The following BICC1 variants were observed in gnomAD, a reference collection of about 807,000 sequenced individuals.
The protein encoded by BICC1 is BicC family RNA binding protein 1.
In BICC1, 43 loss-of-function variants were observed where a neutral mutation model predicts 111.0. The observed-to-expected ratio is 0.39, with a 90% CI of 0.30 to 0.50. The LOEUF is 0.50. Ranked by LOEUF, BICC1 falls within the 20% of genes least tolerant of loss-of-function variation. The pLI is 0.88. For missense variants in BICC1, 1,091 were observed against 1,203.2 expected (o/e 0.91, Z 1.38); for synonymous variants, 467 against 434.4 (o/e 1.07, Z -0.93).
At chr10:58,624,082 A>G (rs866815707) in intron 2 of BICC1, among the ~76,000 whole-genome samples, 2 of 152,136 alleles carry the variant, frequency 1.3e-5, no homozygotes, top group Non-Finnish European at 1.5e-5. Flanking sequence ...AATCTGTTCC[A>G]TGCCTTTCTT....
At chr10:58,555,468 A>C (rs1018943181) in intron 1 of BICC1, among the ~76,000 whole-genome samples, 18 of 151,858 alleles carry the variant, frequency 1.2e-4, no homozygotes, top group African/African-American at 4.1e-4. Context: ...AAATAGGCAA[A>C]ATTTCTTTTC....
At chr10:58,582,126 T>C (rs1369312111) in intron 1 of BICC1, among the ~76,000 whole-genome samples, 1 of 152,226 alleles carries the variant, frequency 6.6e-6, no homozygotes, top group Non-Finnish European at 1.5e-5. Context: ...TCCAGCTGGA[T>C]GTACTAATAT....
At chr10:58,823,819 C>T in intron 20 of BICC1, 1 of 985,182 alleles carries the variant, frequency 1.0e-6, no homozygotes, top group Non-Finnish European at 1.2e-6. Flanking sequence ...TTCATTTATT[C>T]TTAACGCTTC....
Position 58,601,260 on chromosome 10 carries a change from T to C in BICC1, c.191-19595T>C, listed in dbSNP as rs1246357172. On this transcript the variant is annotated intron_variant, in intron 1 of 20. Coordinates refer to ENST00000373886, the MANE Select transcript of BICC1 (RefSeq NM_001080512.3). ...ATTTTGATCTTGTGATGAATGTTCC[T>C]AGTTTTTATGTGTTTATTTAAAGAA... 6.6e-5 allele frequency among the ~76,000 whole-genome samples: 10 copies of C among 150,384 alleles called. No individual in the cohort carries two copies. The South Asian group carries it at 2.1e-3, about 32-fold the overall frequency.
intron 20 of BICC1, chr10:58,823,287 G>A (rs1468716762): frequency 1.0e-6 from 1 of 985,028 alleles, no homozygotes; most frequent in African/African-American, 1.7e-5. Context: ...TGTGAACCTT[G>A]GAATTTCAAA....
At chr10:58,614,952 T>A (rs558644040) in intron 1 of BICC1, among the ~76,000 whole-genome samples, 1 of 152,274 alleles carries the variant, frequency 6.6e-6, no homozygotes, top group Admixed American at 6.5e-5. Context: ...TGACTAGATA[T>A]TTTTTTGAAT....
chr10:58,695,067 A>G (rs1382090774), intron 2 of BICC1, among the ~76,000 whole-genome samples: 1 of 152,224 alleles, frequency 6.6e-6, no homozygotes, highest in South Asian at 2.1e-4. Context: ...TGATTTACAA[A>G]TTATTGTGAG....
intron 3 of BICC1, among the ~76,000 whole-genome samples, chr10:58,740,552 G>A (rs931889893): frequency 2.6e-5 from 4 of 152,104 alleles, no homozygotes; most frequent in Non-Finnish European, 5.9e-5. Context: ...ATATATGTGT[G>A]TGTGTTTAGT....
At chr10:58,613,895 T>C (rs1022844200) in intron 1 of BICC1, among the ~76,000 whole-genome samples, 22 of 152,232 alleles carry the variant, frequency 1.4e-4, no homozygotes, top group African/African-American at 4.8e-5. Flanking sequence ...GCATCGAACC[T>C]AAGTCCTAAG....
chr10:58,777,063 T>C (rs1011325957), intron 3 of BICC1, among the ~76,000 whole-genome samples: 3 of 151,740 alleles, frequency 2.0e-5, no homozygotes, highest in Admixed American at 2.0e-4. Flanking sequence ...AGGTAGTTTA[T>C]CCTTTTCCAA....
intron 2 of BICC1, among the ~76,000 whole-genome samples, chr10:58,637,718 G>A (rs915772656): frequency 3.3e-5 from 5 of 152,192 alleles, no homozygotes; most frequent in African/African-American, 1.2e-4. Flanking sequence ...TGAATGCAGG[G>A]CACTGTGTTA....
At chr10:58,621,399 T>C (rs1454144702) in intron 2 of BICC1, among the ~76,000 whole-genome samples, 2 of 152,236 alleles carry the variant, frequency 1.3e-5, no homozygotes, top group Non-Finnish European at 1.5e-5. Context: ...GTTTAGGTAC[T>C]GTACCCCCTG....
At chr10:58,773,768 T>C (rs1272411365) in intron 3 of BICC1, among the ~76,000 whole-genome samples, 1 of 152,196 alleles carries the variant, frequency 6.6e-6, no homozygotes, top group Non-Finnish European at 1.5e-5. Flanking sequence ...ACAAAACATC[T>C]TTTAAGTTGC....
intron 1 of BICC1, among the ~76,000 whole-genome samples, chr10:58,606,054 C>CT (rs887140534): frequency 1.3e-4 from 19 of 149,222 alleles, no homozygotes; most frequent in Non-Finnish European, 1.3e-4. Context: ...AATTAATCAG[C>CT]TTTTTTTTTT....
chr10:58,563,654 T>C (rs1035654458), intron 1 of BICC1, among the ~76,000 whole-genome samples: 1 of 152,202 alleles, frequency 6.6e-6, no homozygotes, highest in Admixed American at 6.5e-5. Flanking sequence ...ACTGGACACC[T>C]CCACTCAGCC....
At chr10:58,521,114 G>A (rs1449941793) in intron 1 of BICC1, among the ~76,000 whole-genome samples, 1 of 152,098 alleles carries the variant, frequency 6.6e-6, no homozygotes, top group Non-Finnish European at 1.5e-5. Flanking sequence ...TTTTGTTGTA[G>A]TATACTTTGT....
chr10:58,570,351 G>A (rs917318829), intron 1 of BICC1, among the ~76,000 whole-genome samples: 1 of 152,194 alleles, frequency 6.6e-6, no homozygotes, highest in Non-Finnish European at 1.5e-5. Flanking sequence ...ATGCTGTTAT[G>A]TGATGCCAGC....
rs187385325 is a variant in BICC1 at position 58,737,764 on chromosome 10, T to G, written c.307+35621T>G. On this transcript the variant is annotated intron_variant, in intron 3 of 20. Coordinates refer to ENST00000373886, the MANE Select transcript of BICC1 (RefSeq NM_001080512.3). ...CCCAGCACCTGTTGTTTCCTGACTT[T>G]TTAATGATCACCATTCTAACTGGTG... 2.6e-5 allele frequency among the ~76,000 whole-genome samples: 4 copies of G among 152,350 alleles called. No homozygotes were observed. In the East Asian group the frequency reaches 7.7e-4, roughly 29 times the overall value.
At chr10:58,656,450 A>G (rs994714817) in intron 2 of BICC1, among the ~76,000 whole-genome samples, 2 of 150,360 alleles carry the variant, frequency 1.3e-5, no homozygotes, top group African/African-American at 2.5e-5. Flanking sequence ...AAATTCCTCA[A>G]TAAAATACTG....
Sources: gnomAD v4.1 joint callset for allele counts (sites outside exome capture counted in the v4.1 genomes callset) on GRCh38, gnomAD v4.1.1 for gene constraint, MANE v1.5 for transcripts, NCBI Gene and HGNC (gene_info 2026-07-23, HGNC 2026-07-21) for gene names.